Variants in ZGRF1 observed in about 807,000 individuals in gnomAD.
ZGRF1 encodes zinc finger GRF-type containing 1, also known as 5'-3' DNA helicase ZGRF1.
Under a neutral mutation model 203.5 loss-of-function variants are expected in ZGRF1, and 196 were observed. The observed-to-expected ratio is 0.96, with a 90% confidence interval of 0.86 to 1.08. The LOEUF is 1.08. Among genes scored for constraint, ZGRF1 ranks in the 50% least tolerant of loss-of-function variants. The pLI, the probability that ZGRF1 is intolerant of heterozygous loss-of-function variation, is 0.00. For missense variants in ZGRF1, 2,326 were observed against 2,416.3 expected (o/e 0.96, Z 0.78); for synonymous variants, 809 against 841.3 (o/e 0.96, Z 0.66).
chr4:112,585,759 A>AATAC, intron 13 of ZGRF1, 34 bp from the exon 14 acceptor site: 1 of 1,479,142 alleles, frequency 6.8e-7, no homozygotes, highest in Non-Finnish European at 9.0e-7. Flanking sequence ...CAGAAAATTA[A>AATAC]ATACAAAATA....
At position 112,587,467 on chromosome 4, in the gene ZGRF1, A is replaced by G; in HGVS notation, c.3590T>C (p.Leu1197Ser). The G allele has an allele frequency of 6.2e-7, 1 of 1,613,944 alleles. No individual in the cohort carries two copies. Among genetic ancestry groups the G allele is most frequent in the South Asian group, 1.1e-5 (1 of 91,076 alleles). ...TATCATTTGCAAATGCACAGAGTCT[A>G]AAGAGCTTTCATTGACAGCATCACT... ...RQSDAVNESSLDSVHLQMIKG... is the reference protein window; with the variant it reads ...RQSDAVNESSSDSVHLQMIKG... The change falls in exon 12 of 28, where the codon TTA becomes TCA. Residue 1197 changes from leucine to serine, a missense_variant. Transcript: ENST00000505019.
chr4:112,587,534 C>G lies in ZGRF1; in HGVS notation c.3523G>C (p.Ala1175Pro). ...KRITDGFFAE[A>P]VSGMHFRDTS... ...TCTCTAAAATGCATCCCAGAAACAG[C>G]CTCAGCAAAGAAGCCATCAGTTATT... Residue 1175 changes from alanine to proline, a missense_variant, in exon 12 of 28, where the codon GCT becomes CCT. Transcript: ENST00000505019. 1 of 1,613,872 alleles carries G rather than the reference C, an allele frequency of 6.2e-7. No homozygotes were observed. Among genetic ancestry groups the G allele is most frequent in the Non-Finnish European group, 8.5e-7 (1 of 1,179,846 alleles).
At chr4:112,626,220 C>T (rs530481432) in intron 3 of ZGRF1, among the ~76,000 whole-genome samples, 13 of 152,238 alleles carry the variant, frequency 8.5e-5, no homozygotes, top group African/African-American at 1.9e-4. Flanking sequence ...AATCACTGAA[C>T]GGGTGAATCG....
intron 27 of ZGRF1, 24 bp downstream of exon 27, chr4:112,539,839 G>A: frequency 6.2e-7 from 1 of 1,610,750 alleles, no homozygotes; most frequent in South Asian, 1.1e-5. Flanking sequence ...TGAAATGCAT[G>A]AATTAAACCC....
chr4:112,613,199 C>T (rs2046749518), intron 6 of ZGRF1, among the ~76,000 whole-genome samples: 1 of 152,122 alleles, frequency 6.6e-6, no homozygotes. Context: ...GAAGCTGAGG[C>T]AGGAGAATCA....
chr4:112,628,938 T>C (rs2047322218), intron 3 of ZGRF1: 3 of 361,942 alleles, frequency 8.3e-6, no homozygotes, highest in Non-Finnish European at 1.6e-5. Context: ...TTAAAAAAAA[T>C]ATGGATATGC....
At position 112,585,722 on chromosome 4, in the gene ZGRF1, T is replaced by C; in HGVS notation, c.3920A>G (p.His1307Arg). The C allele has an allele frequency of 6.0e-6, 9 of 1,508,442 alleles. No homozygotes were observed. Among genetic ancestry groups the C allele is most frequent in the Non-Finnish European group, 7.9e-6 (9 of 1,135,346 alleles). 93.4% of individuals were successfully genotyped at this position (1,508,442 alleles called of 1,614,324 possible). ...KQTFTSCLIE[H>R]LNILLFGLAQ... ...TAACCCAAACAGCAATATATTTAGA[T>C]GTTCTACAAAAAAAAAAAAAAGAGA... The change falls in exon 14 of 28, where the codon CAT (histidine) becomes CGT (arginine). Residue 1307 changes from histidine to arginine, a missense_variant. His to Arg is a conservative substitution (Grantham distance 29). Transcript: ENST00000505019.
intron 22 of ZGRF1, among the ~76,000 whole-genome samples, chr4:112,552,246 C>T (rs1740111479): frequency 6.7e-6 from 1 of 149,804 alleles, no homozygotes; most frequent in South Asian, 2.1e-4. Context: ...CACTGCACTC[C>T]AGCCTGGGTG....
rs781570077 is a variant in ZGRF1, at chr4:112,583,974, A to G, written c.4298+4T>C. On this transcript the variant is annotated splice_donor_region_variant and intron_variant, in intron 15 of 27. Coordinates refer to ENST00000505019, the MANE Select transcript of ZGRF1 (RefSeq NM_018392.5). ...AGGCAATTATTTGGTACTATAAAAC[A>G]TACCTCACCAAAAGCTGGCATTCCT... The G allele has an allele frequency of 1.9e-6, 3 of 1,588,286 alleles. No homozygotes were observed. Among genetic ancestry groups the G allele is most frequent in the Non-Finnish European group, 2.6e-6 (3 of 1,166,004 alleles).
At chr4:112,617,294 T>A (rs1024755103) in intron 6 of ZGRF1, 146 bp downstream of exon 6, 1 of 528,806 alleles carries the variant, frequency 1.9e-6, no homozygotes, top group African/African-American at 2.0e-5. Context: ...TACTATTCTC[T>A]ATTAATATTG....
At chr4:112,602,350 C>T (rs1286692720) in intron 10 of ZGRF1, among the ~76,000 whole-genome samples, 1 of 152,154 alleles carries the variant, frequency 6.6e-6, no homozygotes, top group Non-Finnish European at 1.5e-5. Flanking sequence ...ATATACCCAC[C>T]AGAATAGCTA....
rs1322536902 is a variant in ZGRF1 at position 112,577,647 on chromosome 4, G to T, written c.4438+4016C>A. ...TGCAATCCTAGTATCTGATAAAACA[G>T]ACTTTAAACCAACAAAGATCAAAAG... On this transcript the variant is annotated intron_variant, in intron 16 of 27. Transcript: ENST00000505019. Among the ~76,000 whole-genome samples, 2 of 122,490 alleles carry T rather than the reference G, an allele frequency of 1.6e-5. 1 individual carries two copies. The highest frequency in any genetic ancestry group is 5.7e-5 in the African/African-American group (2 of 35,294). 80.4% of individuals were successfully genotyped at this position (122,490 alleles called of 152,430 possible).
Position 112,553,974 on chromosome 4 carries a change from G to T in ZGRF1, c.5207C>A (p.Ala1736Asp). Residue 1736 changes from alanine to aspartate, a missense_variant, in exon 22 of 28, where the codon GCT (alanine) becomes GAT (aspartate). Physicochemically the swap from Ala to Asp is moderately radical, Grantham distance 126. Transcript: ENST00000505019. ...AKPILPYSLHAGSENESEQLK... is the reference protein window; with the variant it reads ...AKPILPYSLHDGSENESEQLK... ...CTGTTCACTTTCATTTTCTGAGCCA[G>T]CATGCAAGCTAAAGAATTATATTAA... 6.2e-7 allele frequency: 1 copy of T among 1,606,366 alleles called. No individual in the cohort carries two copies.
intron 9 of ZGRF1, 77 bp downstream of exon 9, chr4:112,605,931 G>GC: frequency 2.1e-6 from 2 of 942,858 alleles, no homozygotes; most frequent in Non-Finnish European, 3.4e-6. Flanking sequence ...TCTGATACTT[G>GC]TTTTTTTGTT....
At chr4:112,561,314 A>AT (rs1400087017) in intron 18 of ZGRF1, 2 of 268,094 alleles carry the variant, frequency 7.5e-6, no homozygotes, top group Admixed American at 4.9e-5. Flanking sequence ...AGAATATTGA[A>AT]TTTTTTCCCC....
chr4:112,560,598 T>C, intron 19 of ZGRF1, 135 bp downstream of exon 19: 1 of 698,208 alleles, frequency 1.4e-6, no homozygotes, highest in Non-Finnish European at 2.4e-6. Context: ...TTTACCAAAG[T>C]GGGTACAGGT....
In ZGRF1 at chr4:112,565,033, C is replaced by T. The variant is rs1370070976; in HGVS notation, c.4439-1759G>A. On this transcript the variant is annotated intron_variant, in intron 16 of 27. Transcript: ENST00000505019. Reference sequence around the variant, plus strand: ...TGCCCACAAATCAACCGGTGGTAAACCACCCAGGAAGCAACTGGCTACAAA... The same window carrying T: ...TGCCCACAAATCAACCGGTGGTAAATCACCCAGGAAGCAACTGGCTACAAA... The T allele has an allele frequency of 7.6e-6, 8 of 1,046,902 alleles. No homozygotes were observed. In the African/African-American group the frequency reaches 1.2e-4, roughly 16 times the overall value. 64.9% of individuals were successfully genotyped at this position (1,046,902 alleles called of 1,614,324 possible).
chr4:112,617,458 G>T lies in ZGRF1; in HGVS notation c.2584C>A (p.Pro862Thr), dbSNP rs2046918759. ...FQQGTQQTYE[P>T]DSPPEVRKPF... ...TTCTAACCTTCAGGAGGGCTATCTG[G>T]CTCATACGTCTGTTGAGTTCCTTGC... Residue 862 changes from proline (P) to threonine (T), a missense_variant, in exon 6 of 28, where the codon CCA becomes ACA. Transcript: ENST00000505019. 6.4e-7 allele frequency: 1 copy of T among 1,557,186 alleles called. No individual in the cohort carries two copies. Among genetic ancestry groups the T allele is most frequent in the African/African-American group, 1.4e-5 (1 of 72,626 alleles).
chr4:112,596,651 T>G (rs1749069921), intron 10 of ZGRF1, among the ~76,000 whole-genome samples: 1 of 152,114 alleles, frequency 6.6e-6, no homozygotes, highest in African/African-American at 2.4e-5. Context: ...TGGAGGGCAC[T>G]GGCACAATCT....
Sources: allele counts gnomAD v4.1 joint callset (sites outside exome capture counted in the v4.1 genomes callset), GRCh38; gene constraint gnomAD v4.1.1; transcripts MANE v1.5; gene names NCBI Gene and HGNC (gene_info 2026-07-23, HGNC 2026-07-21).